The following B4GALT6 variants were observed in gnomAD, a reference collection of about 807,000 sequenced individuals.
B4GALT6 encodes UDP-Gal:beta-GlcNAc beta-1,4-galactosyltransferase 6.
Under a neutral mutation model 46.3 loss-of-function variants are expected in B4GALT6, and 14 were observed. That is an observed-to-expected ratio of 0.30 (90% CI 0.20 to 0.47). B4GALT6 has a LOEUF of 0.47. Ranked by LOEUF, B4GALT6 falls within the 20% of genes least tolerant of loss-of-function variation. The pLI, the probability that B4GALT6 is intolerant of heterozygous loss-of-function variation, is 0.99. For synonymous variants in B4GALT6, 168 were observed against 162.0 expected, an observed-to-expected ratio of 1.04 and a Z score of -0.28; for missense variants, 386 against 480.1, an observed-to-expected ratio of 0.80 and a Z score of 1.83.
chr18:31,708,957 C>T, the B4GALT6 span, among the ~76,000 whole-genome samples: 1 of 152,170 alleles, frequency 6.6e-6, no homozygotes, highest in Admixed American at 6.5e-5. Flanking sequence ...ATGTACTTAA[C>T]TTTCACAATT....
chr18:31,711,579 T>C, the B4GALT6 span, among the ~76,000 whole-genome samples: 1 of 152,328 alleles, frequency 6.6e-6, no homozygotes, highest in East Asian at 1.9e-4. Context: ...CTAGTGAGAT[T>C]ACCAGAGGTT....
At chr18:31,710,269 C>T in the B4GALT6 span, among the ~76,000 whole-genome samples, 14 of 152,032 alleles carry the variant, frequency 9.2e-5, no homozygotes, top group African/African-American at 3.1e-4. Context: ...AACAATGAAG[C>T]ATAAATTGAT....
At chr18:31,633,590 C>A (rs1266050374) in intron 5 of B4GALT6, among the ~76,000 whole-genome samples, 1 of 152,134 alleles carries the variant, frequency 6.6e-6, no homozygotes, top group Non-Finnish European at 1.5e-5. Flanking sequence ...ATAATCCAAG[C>A]CCTCACCCTG....
chr18:31,629,447 A>ATTTTTTTTTTTTTATTT (rs2073746913), intron 6 of B4GALT6, among the ~76,000 whole-genome samples: 2 of 32,836 alleles, frequency 6.1e-5, no homozygotes, highest in African/African-American at 1.9e-4. Flanking sequence ...GCCCTTTATG[A>ATTTTTTTTTTTTTATTT]TTTTTTTTTT....
At chr18:31,717,035 G>A in the B4GALT6 span, among the ~76,000 whole-genome samples, 7 of 152,032 alleles carry the variant, frequency 4.6e-5, no homozygotes, top group African/African-American at 9.7e-5. Context: ...GGGGTGGGGC[G>A]GAGGTTGCAG....
At chr18:31,700,435 TTGTGTG>T in the B4GALT6 span, among the ~76,000 whole-genome samples, 2,446 of 139,554 alleles carry the variant, frequency 0.018, 62 homozygotes, top group African/African-American at 0.06. Context: ...AATTGACTAT[TTGTGTG>T]TGTGTGTGTG....
Position 31,684,347 on chromosome 18 carries a change from G to T in B4GALT6, c.80C>A (p.Ser27Tyr), listed in dbSNP as rs758575753. ...GGCCACATAGATGAAGTACAGACAG[G>T]ACGAAGAGAGGGAGAAGAAGAAGAT... is the stretch of plus-strand genomic sequence containing the variant. ...AFIFFFSLSS[S>Y]CLYFIYVAPG... The change falls in exon 1 of 9, where the codon TCC becomes TAC. Residue 27 changes from serine (S) to tyrosine (Y), a missense_variant. Physicochemically the swap from Ser to Tyr is moderately radical, Grantham distance 144 (BLOSUM62 -2). Transcript: ENST00000306851. 8.7e-6 allele frequency: 14 copies of T among 1,613,766 alleles called. No individual in the cohort carries two copies. The highest frequency in any genetic ancestry group is 1.2e-5 in the Non-Finnish European group (14 of 1,179,948).
intron 4 of B4GALT6, among the ~76,000 whole-genome samples, chr18:31,642,732 G>T (rs1438431073): frequency 6.6e-6 from 1 of 152,212 alleles, no homozygotes; most frequent in African/African-American, 2.4e-5. Flanking sequence ...TGCCCAGTCT[G>T]GAGCGCAGTG....
In B4GALT6 at chr18:31,623,024, T is replaced by A. The variant is rs938647432; in HGVS notation, c.*2590A>T. On this transcript the variant is annotated 3_prime_UTR_variant, in exon 9 of 9. Transcript: ENST00000306851. ...GATAAGTTATCAGAAGATGTCTTCATAATTTCAGAAAGATCTCAATTTGCT... is the reference window on the plus strand; with the variant it reads ...GATAAGTTATCAGAAGATGTCTTCAAAATTTCAGAAAGATCTCAATTTGCT... 5 of 152,078 alleles carry A rather than the reference T, an allele frequency of 3.3e-5. No homozygotes were observed. The highest frequency in any genetic ancestry group is 1.2e-4 in the African/African-American group (5 of 41,442). The allele number at this position is 152,078 out of a possible 1,614,324, so 9.4% of individuals were successfully genotyped here.
chr18:31,663,495 T>G (rs966645740), intron 2 of B4GALT6, among the ~76,000 whole-genome samples: 1 of 152,204 alleles, frequency 6.6e-6, no homozygotes, highest in East Asian at 1.9e-4. Context: ...TATAATTTAT[T>G]TACAAAAATA....
At chr18:31,637,585 G>GCGACA (rs1462740467) in intron 5 of B4GALT6, among the ~76,000 whole-genome samples, 1 of 152,048 alleles carries the variant, frequency 6.6e-6, no homozygotes. Context: ...TTACTAACTG[G>GCGACA]CTGTCATTCA....
chr18:31,716,270 T>C, the B4GALT6 span, among the ~76,000 whole-genome samples: 1 of 152,128 alleles, frequency 6.6e-6, no homozygotes, highest in African/African-American at 2.4e-5. Context: ...GATCCAGAAT[T>C]CAAAAAGTCC....
intron 1 of B4GALT6, among the ~76,000 whole-genome samples, chr18:31,670,457 C>T (rs2074338144): frequency 6.6e-6 from 1 of 152,162 alleles, no homozygotes; most frequent in Non-Finnish European, 1.5e-5. Flanking sequence ...AAAAGCAACA[C>T]ACCAATTTCT....
At chr18:31,632,939 A>G (rs758843991) in intron 5 of B4GALT6, among the ~76,000 whole-genome samples, 1 of 152,114 alleles carries the variant, frequency 6.6e-6, no homozygotes, top group Non-Finnish European at 1.5e-5. Context: ...CCATGTGTGC[A>G]TATCACCTGG....
intron 1 of B4GALT6, among the ~76,000 whole-genome samples, chr18:31,676,605 A>T (rs1297734969): frequency 6.6e-6 from 1 of 152,194 alleles, no homozygotes; most frequent in Non-Finnish European, 1.5e-5. Context: ...ATTCTTCACC[A>T]TGACAGCCAT....
chr18:31,650,808 A>G (rs141947420), intron 3 of B4GALT6, among the ~76,000 whole-genome samples: 695 of 152,116 alleles, frequency 4.6e-3, no homozygotes, highest in Non-Finnish European at 6.5e-3. Context: ...TCGCTCTGTC[A>G]CCCAGGCTGG....
At chr18:31,705,663 C>T in the B4GALT6 span, among the ~76,000 whole-genome samples, 1 of 152,224 alleles carries the variant, frequency 6.6e-6, no homozygotes, top group East Asian at 1.9e-4. Context: ...GCTGGGATTA[C>T]AGGCATGAGC....
At chr18:31,665,765 AAGG>A (rs1339029410) in intron 2 of B4GALT6, among the ~76,000 whole-genome samples, 5 of 152,090 alleles carry the variant, frequency 3.3e-5, no homozygotes, top group Admixed American at 6.6e-5. Flanking sequence ...GTAAAATAAA[AAGG>A]AGTAGCTACC....
chr18:31,625,456 GTGAC>G lies in B4GALT6; in HGVS notation c.*154_*157del. The G allele has an allele frequency of 1.4e-6, 1 of 700,820 alleles. No homozygotes were observed. The highest frequency in any genetic ancestry group is 2.3e-6 in the Non-Finnish European group (1 of 441,348). 43.4% of individuals were successfully genotyped at this position (700,820 alleles called of 1,614,324 possible). A position where few individuals can be genotyped will look rare whatever the true frequency, so the allele number is the denominator to read the frequency against. On this transcript the variant is annotated 3_prime_UTR_variant, in exon 9 of 9. Transcript: ENST00000306851. Reference sequence around the variant, plus strand: ...AGCAGGGAGGACGGGTGAGAGAAGGGTGACTGTATATAGTCCCACTCTGTAAACA... The same window carrying G: ...AGCAGGGAGGACGGGTGAGAGAAGGGTGTATATAGTCCCACTCTGTAAACA...
Sources: allele counts gnomAD v4.1 joint callset (sites outside exome capture counted in the v4.1 genomes callset), GRCh38; gene constraint gnomAD v4.1.1; transcripts MANE v1.5; gene names NCBI Gene and HGNC (gene_info 2026-07-23, HGNC 2026-07-21).